Variants in EIF4G2 observed in about 807,000 individuals in gnomAD.
EIF4G2 encodes the protein eukaryotic translation initiation factor 4 gamma 2.
In EIF4G2, 8 loss-of-function variants were observed where a neutral mutation model predicts 117.7. The observed-to-expected ratio is 0.07, with a 90% CI of 0.04 to 0.12. EIF4G2 has a LOEUF of 0.12. EIF4G2 is among the 10% of genes least tolerant of loss of function. EIF4G2 has a pLI of 1.00. For missense variants in EIF4G2, 812 were observed against 1,086.2 expected, an observed-to-expected ratio of 0.75 and a Z score of 3.55; for synonymous variants, 413 against 367.8, an observed-to-expected ratio of 1.12 and a Z score of -1.41.
rs1158901551 is a variant in EIF4G2 at position 10,800,420 on chromosome 11, A to G, written c.1860+12T>C. 4 of 1,613,898 alleles carry G rather than the reference A, an allele frequency of 2.5e-6. No homozygotes were observed. Among genetic ancestry groups the G allele is most frequent in the Admixed American group, 1.7e-5 (1 of 59,994 alleles). ...TAAGAGTTCTTACCACACAATCAGT[A>G]AAGTGTCCTACCTGCATGAAGTTGT... On this transcript the variant is annotated intron_variant, in intron 17 of 21. Coordinates refer to ENST00000339995, the MANE Select transcript of EIF4G2 (RefSeq NM_001418.4).
Position 10,800,078 on chromosome 11 carries a change from G to C in EIF4G2, c.2119+12C>G. Reference sequence around the variant, plus strand: ...TTAAAAAAACAAAACAAACAAGTCAGCATTCTCTTACCTGGGAGCATTTTC... The same window carrying C: ...TTAAAAAAACAAAACAAACAAGTCACCATTCTCTTACCTGGGAGCATTTTC... On this transcript the variant is annotated intron_variant, in intron 18 of 21. Transcript: ENST00000339995. 1.2e-6 allele frequency: 2 copies of C among 1,609,414 alleles called. No homozygotes were observed. The highest frequency in any genetic ancestry group is 1.7e-6 in the Non-Finnish European group (2 of 1,178,166).
chr11:10,800,229 T>A lies in EIF4G2; in HGVS notation c.1980A>T (p.Glu660Asp). The change falls in exon 18 of 22, where the codon GAA (glutamate) becomes GAT (aspartate). Residue 660 changes from glutamate to aspartate, a missense_variant. Transcript: ENST00000339995. ...TGCCACTTTCTAGTGGTTGAGCTAG[T>A]TCTGAAATGCTCACCAGCTCTGAAA... 6.2e-7 allele frequency: 1 copy of A among 1,614,184 alleles called. No homozygotes were observed. Among genetic ancestry groups the A allele is most frequent in the Non-Finnish European group, 8.5e-7 (1 of 1,180,014 alleles).
chr11:10,807,852 G>T lies in EIF4G2; in HGVS notation c.-86-471C>A, dbSNP rs76250465. ...GTGGAGAGCTCGTGGAAAGACGCGC[G>T]AGAGGGGGCCGGGTGTACAGGACTA... On this transcript the variant is annotated intron_variant, in intron 1 of 21. Coordinates refer to ENST00000339995, the MANE Select transcript of EIF4G2 (RefSeq NM_001418.4). 1,570 of 985,754 alleles carry T rather than the reference G, an allele frequency of 1.6e-3. 9 individuals carry two copies. The African/African-American group carries it at 0.019, about 12-fold the overall frequency. 61.1% of individuals were successfully genotyped at this position (985,754 alleles called of 1,614,324 possible). A position where few individuals can be genotyped will look rare whatever the true frequency, so the allele number is the denominator to read the frequency against.
chr11:10,800,871 G>A (rs1847397336), intron 15 of EIF4G2, 36 bp from the exon 16 acceptor site: 2 of 1,610,918 alleles, frequency 1.2e-6, no homozygotes, highest in Non-Finnish European at 1.7e-6. Flanking sequence ...TTTTTAAAAA[G>A]AGGACTATGA....
In EIF4G2 at chr11:10,800,813, G is replaced by C. The variant is rs1483663997; in HGVS notation, c.1562C>G (p.Thr521Ser). Residue 521 changes from threonine to serine, a missense_variant, in exon 16 of 22, where the codon ACT becomes AGT. Around this residue, in one of 4 missense-constraint regions of EIF4G2, gnomAD observed 571 missense variants for 642.3 expected, o/e 0.89. Transcript: ENST00000339995. ...CTTTTCCTGGATAAGCGGTGGATTA[G>C]TTTTGAGACCAAGCTGAGGTGTCTA... The C allele has an allele frequency of 1.2e-6, 2 of 1,614,050 alleles. No individual in the cohort carries two copies. The highest frequency in any genetic ancestry group is 3.3e-5 in the Admixed American group (2 of 60,006).
chr11:10,804,214 A>G lies in EIF4G2; in HGVS notation c.484-11T>C. 6.2e-7 allele frequency: 1 copy of G among 1,613,914 alleles called. No homozygotes were observed. The highest frequency in any genetic ancestry group is 8.5e-7 in the Non-Finnish European group (1 of 1,179,928). On this transcript the variant is annotated splice_polypyrimidine_tract_variant and intron_variant, in intron 6 of 21. Transcript: ENST00000339995. ...GAGGCGTCTGAATGTCTGGAAAAGA[A>G]GACATTGTCATGCTTTATTAAGGAA...
chr11:10,807,495 A>G, intron 1 of EIF4G2, 114 bp from the exon 2 acceptor site: 1 of 1,358,996 alleles, frequency 7.4e-7, no homozygotes, highest in Non-Finnish European at 9.4e-7. Context: ...GCAGATCTGT[A>G]AGACTAACCT....
Position 10,799,288 on chromosome 11 carries a change from G to C in EIF4G2, c.2461C>G (p.His821Asp). 6.2e-7 allele frequency: 1 copy of C among 1,614,138 alleles called. No homozygotes were observed. Among genetic ancestry groups the C allele is most frequent in the Non-Finnish European group, 8.5e-7 (1 of 1,180,046 alleles). ...CTGACTTGTAGATCAACGTGATCATGAAGAAATTTCTGCATTACTGGCTTG... is the reference window on the plus strand; with the variant it reads ...CTGACTTGTAGATCAACGTGATCATCAAGAAATTTCTGCATTACTGGCTTG... The change falls in exon 20 of 22, where the codon CAT becomes GAT. Residue 821 changes from histidine to aspartate, a missense_variant. Physicochemically the swap from His to Asp is moderately conservative, Grantham distance 81. Coordinates refer to ENST00000339995, the MANE Select transcript of EIF4G2 (RefSeq NM_001418.4).
chr11:10,808,002 C>A, intron 1 of EIF4G2: 1 of 1,045,274 alleles, frequency 9.6e-7, no homozygotes, highest in Non-Finnish European at 1.2e-6. Context: ...GAAGTGCTTC[C>A]GACAACCTCC....
chr11:10,805,596 G>A (rs1030652228), intron 4 of EIF4G2, among the ~76,000 whole-genome samples: 3 of 152,068 alleles, frequency 2.0e-5, no homozygotes, highest in African/African-American at 7.2e-5. Flanking sequence ...GGGACTACAG[G>A]CGCCTGCCAC....
rs532602694 is a variant in EIF4G2, at chr11:10,798,105, T to C, written c.2659-224A>G. Among the ~76,000 whole-genome samples the C allele has an allele frequency of 5.9e-5, 9 of 152,300 alleles. No homozygotes were observed. The East Asian group carries it at 1.2e-3, about 20-fold the overall frequency. On this transcript the variant is annotated intron_variant, in intron 21 of 21. Coordinates refer to ENST00000339995, the MANE Select transcript of EIF4G2 (RefSeq NM_001418.4). ...TGATCCTCGTGAATCTTGTTTATCA[T>C]CAGCAATAAAAAGGTAGGAAGATGC...
intron 14 of EIF4G2, chr11:10,801,436 A>G (rs1420965652): frequency 4.4e-6 from 3 of 682,226 alleles, no homozygotes; most frequent in Non-Finnish European, 7.7e-6. Flanking sequence ...TTTGACAACC[A>G]GTTTTCTTGC....
intron 18 of EIF4G2, 49 bp from the exon 19 acceptor site, chr11:10,799,805 T>G (rs199658248): frequency 5.7e-6 from 9 of 1,583,494 alleles, no homozygotes; most frequent in Non-Finnish European, 7.7e-6. Flanking sequence ...TTTTACCAAG[T>G]TGTCCTGTCC....
At chr11:10,804,634 C>T in intron 5 of EIF4G2, 1 of 645,452 alleles carries the variant, frequency 1.5e-6, no homozygotes, top group Non-Finnish European at 2.5e-6. Context: ...AATGCATTTC[C>T]AAGACCTAAA....
rs904714986 is a variant in EIF4G2 at position 10,808,926 on chromosome 11, C to G, written c.-308G>C. On this transcript the variant is annotated 5_prime_UTR_variant, in exon 1 of 22. Transcript: ENST00000339995. ...CCATAGAGCTCCGACTCACTGCTGG[C>G]GCTAAGGCGTGTCTGAAGCCGAACT... 4 of 154,094 alleles carry G rather than the reference C, an allele frequency of 2.6e-5. No homozygotes were observed. The highest frequency in any genetic ancestry group is 4.4e-5 in the Non-Finnish European group (3 of 68,574). 9.5% of individuals were successfully genotyped at this position (154,094 alleles called of 1,614,324 possible).
At position 10,803,317 on chromosome 11, in the gene EIF4G2, A is replaced by C. The variant is rs1164848415; in HGVS notation, c.814-23T>G. 1.2e-6 allele frequency: 2 copies of C among 1,609,320 alleles called. No homozygotes were observed. Among genetic ancestry groups the C allele is most frequent in the Non-Finnish European group, 1.7e-6 (2 of 1,177,838 alleles). On this transcript the variant is annotated intron_variant, in intron 9 of 21. Transcript: ENST00000339995. The surrounding 1 kb of genome is among the most constrained non-coding windows in gnomAD (Gnocchi z 4.0). The stretch of plus-strand genomic sequence containing the variant: ...GGACTGATAAGAGAAGAATACATTC[A>C]TTGGAAGAGCTAAAGCAAATGTGTT...
In EIF4G2 at chr11:10,808,748, G is replaced by A; in HGVS notation, c.-130C>T. ...AGCTGCCACCGCAGCTGCCTCCTCAGGATCCGGTCGTCGGGGATAGGGAAG... is the reference window on the plus strand; with the variant it reads ...AGCTGCCACCGCAGCTGCCTCCTCAAGATCCGGTCGTCGGGGATAGGGAAG... On this transcript the variant is annotated 5_prime_UTR_variant, in exon 1 of 22. Coordinates refer to ENST00000339995, the MANE Select transcript of EIF4G2 (RefSeq NM_001418.4). 6.1e-6 allele frequency: 1 copy of A among 164,704 alleles called. No homozygotes were observed. Among genetic ancestry groups the A allele is most frequent in the African/African-American group, 2.4e-5 (1 of 41,214 alleles). 10.2% of individuals were successfully genotyped at this position (164,704 alleles called of 1,614,324 possible). A position where few individuals can be genotyped will look rare whatever the true frequency, so the allele number is the denominator to read the frequency against.
In EIF4G2 at chr11:10,799,309, G is replaced by C; in HGVS notation, c.2440C>G (p.Pro814Ala). ...TCATGAAGAAATTTCTGCATTACTGGCTTGAAAGATAGTAGTAGTTGTTTT... is the reference window on the plus strand; with the variant it reads ...TCATGAAGAAATTTCTGCATTACTGCCTTGAAAGATAGTAGTAGTTGTTTT... Residue 814 changes from proline to alanine, a missense_variant, in exon 20 of 22, where the codon CCA becomes GCA. Physicochemically the swap from Pro to Ala is conservative, Grantham distance 27. This residue lies in a region of EIF4G2 where 571 missense variants were observed against 642.3 expected (regional missense o/e 0.89). Transcript: ENST00000339995. 1 of 1,614,066 alleles carries C rather than the reference G, an allele frequency of 6.2e-7. No homozygotes were observed. The highest frequency in any genetic ancestry group is 8.5e-7 in the Non-Finnish European group (1 of 1,180,032).
At chr11:10,806,201 G>A (rs1847564581) in intron 3 of EIF4G2, 154 bp from the exon 4 acceptor site, 1 of 1,012,680 alleles carries the variant, frequency 9.9e-7, no homozygotes, top group Non-Finnish European at 1.4e-6. Flanking sequence ...ACAGTAGTGT[G>A]CATCAGAATC....
Sources: allele counts gnomAD v4.1 joint callset (sites outside exome capture counted in the v4.1 genomes callset), GRCh38; gene constraint gnomAD v4.1.1; regional missense constraint gnomAD v4.1.1; non-coding constraint Gnocchi (gnomAD v3.1); transcripts MANE v1.5; gene names NCBI Gene and HGNC (gene_info 2026-07-23, HGNC 2026-07-21).